GRM8: variants seen among roughly 807,000 people sequenced by gnomAD.
The protein encoded by GRM8 is glutamate metabotropic receptor 8.
A neutral mutation model predicts 87.2 loss-of-function variants in GRM8; 47 were observed. The observed-to-expected ratio is 0.54, with a 90% confidence interval of 0.43 to 0.69. The LOEUF is 0.69. Ranked by LOEUF, GRM8 falls within the 30% of genes least tolerant of loss-of-function variation. The pLI is 0.00. For synonymous variants in GRM8, 396 were observed against 404.5 expected, an observed-to-expected ratio of 0.98 and a Z score of 0.25; for missense variants, 1,019 against 1,139.2, an observed-to-expected ratio of 0.89 and a Z score of 1.52.
chr7:127,242,770 G>A lies in GRM8; in HGVS notation c.435C>T (p.Asp145=), dbSNP rs762120086. ...NGDPPIFTKP[D]KISGVIGAAA... is the part of the protein sequence containing the mutation. ...CAGCACCTATGACGCCAGAAATCTTGTCGGGCTTGGTGAAAATGGGTGGAT... is the reference window on the plus strand; with the variant it reads ...CAGCACCTATGACGCCAGAAATCTTATCGGGCTTGGTGAAAATGGGTGGAT... Residue 145 remains aspartate, a synonymous_variant, in exon 2 of 11, where the codon GAC becomes GAT. Transcript: ENST00000339582. The A allele has an allele frequency of 6.2e-7, 1 of 1,614,142 alleles. No homozygotes were observed. The highest frequency in any genetic ancestry group is 8.5e-7 in the Non-Finnish European group (1 of 1,179,988).
chr7:126,504,829 G>A (rs1188789073), intron 9 of GRM8, among the ~76,000 whole-genome samples: 1 of 151,912 alleles, frequency 6.6e-6, no homozygotes, highest in African/African-American at 2.4e-5. Context: ...AATCATGATT[G>A]GGTGCCCCAA....
chr7:126,802,625 T>C (rs999635559), intron 6 of GRM8, among the ~76,000 whole-genome samples: 2 of 152,162 alleles, frequency 1.3e-5, no homozygotes, highest in African/African-American at 4.8e-5. Flanking sequence ...AACTTTTGAG[T>C]GAACCCCACA....
intron 7 of GRM8, among the ~76,000 whole-genome samples, chr7:126,625,607 G>A (rs898115354): frequency 6.6e-6 from 1 of 152,110 alleles, no homozygotes; most frequent in Non-Finnish European, 1.5e-5. Flanking sequence ...TGTCATTAAT[G>A]AATAGCACTA....
At chr7:126,910,953 A>C (rs564790957) in intron 3 of GRM8, among the ~76,000 whole-genome samples, 1 of 152,300 alleles carries the variant, frequency 6.6e-6, no homozygotes, top group South Asian at 2.1e-4. Flanking sequence ...TCATCTCTGT[A>C]ATGAGGTTCA....
intron 3 of GRM8, among the ~76,000 whole-genome samples, chr7:127,079,356 A>T (rs1822615969): frequency 6.6e-6 from 1 of 152,160 alleles, no homozygotes; most frequent in South Asian, 2.1e-4. Context: ...TCCTGACCCC[A>T]GATGATCCAC....
intron 6 of GRM8, among the ~76,000 whole-genome samples, chr7:126,859,617 G>A (rs1797983595): frequency 1.3e-5 from 2 of 152,132 alleles, no homozygotes; most frequent in African/African-American, 4.8e-5. Context: ...CAGAGGAGAT[G>A]GGTACTTTGA....
At chr7:127,160,298 G>A (rs369074993) in intron 2 of GRM8, among the ~76,000 whole-genome samples, 47 of 152,136 alleles carry the variant, frequency 3.1e-4, no homozygotes, top group African/African-American at 1.1e-3. Flanking sequence ...GGACTTGCAG[G>A]GTTGAAGGAT....
intron 8 of GRM8, among the ~76,000 whole-genome samples, chr7:126,602,766 C>T (rs1000177363): frequency 2.0e-5 from 3 of 151,490 alleles, no homozygotes; most frequent in Non-Finnish European, 2.9e-5. Flanking sequence ...CAAAAAGAGT[C>T]CAGGACCAGA....
At chr7:126,902,095 T>C (rs1319801175) in intron 6 of GRM8, among the ~76,000 whole-genome samples, 3 of 152,204 alleles carry the variant, frequency 2.0e-5, no homozygotes, top group Non-Finnish European at 2.9e-5. Flanking sequence ...TGTTCCAGGA[T>C]AGCTGCTATG....
At chr7:127,105,233 GT>G (rs1201973151) in intron 3 of GRM8, 1 of 152,134 alleles carries the variant, frequency 6.6e-6, no homozygotes, top group Non-Finnish European at 1.5e-5. Context: ...TTTTGAATCA[GT>G]TTTATAGCAG....
intron 8 of GRM8, among the ~76,000 whole-genome samples, chr7:126,595,258 A>C (rs1797050573): frequency 6.6e-6 from 1 of 151,628 alleles, no homozygotes; most frequent in Non-Finnish European, 1.5e-5. Context: ...TTGAGAAAGG[A>C]TCTCACTGTG....
At chr7:126,496,800 T>G (rs1323851793) in intron 9 of GRM8, among the ~76,000 whole-genome samples, 1 of 151,830 alleles carries the variant, frequency 6.6e-6, no homozygotes, top group Non-Finnish European at 1.5e-5. Context: ...ATCACTTGAG[T>G]GTTTCTCAAT....
chr7:127,072,368 T>G (rs926535526), intron 3 of GRM8, among the ~76,000 whole-genome samples: 10 of 152,194 alleles, frequency 6.6e-5, no homozygotes, highest in Admixed American at 2.0e-4. Context: ...TCTCTGAGAC[T>G]GCTAACATAT....
chr7:127,120,044 T>C (rs1007064742), intron 2 of GRM8, among the ~76,000 whole-genome samples: 15 of 152,180 alleles, frequency 9.9e-5, no homozygotes, highest in African/African-American at 3.6e-4. Flanking sequence ...CCAAAACTTG[T>C]CACGCACACC....
chr7:126,791,306 T>G (rs939726336), intron 6 of GRM8, among the ~76,000 whole-genome samples: 1 of 152,256 alleles, frequency 6.6e-6, no homozygotes, highest in Non-Finnish European at 1.5e-5. Flanking sequence ...TCTTTGCCTT[T>G]ATTTTGTGAC....
At chr7:126,982,256 C>T (rs751600829) in intron 3 of GRM8, among the ~76,000 whole-genome samples, 15 of 152,032 alleles carry the variant, frequency 9.9e-5, no homozygotes, top group Non-Finnish European at 1.6e-4. Context: ...TTAGATGGTG[C>T]CTATCCAGAT....
At chr7:126,526,124 C>T (rs992558085) in intron 9 of GRM8, among the ~76,000 whole-genome samples, 3 of 152,020 alleles carry the variant, frequency 2.0e-5, no homozygotes, top group Admixed American at 2.0e-4. Flanking sequence ...TTCCTGGCAC[C>T]CTGTATGTTC....
chr7:127,098,914 T>C (rs2299533), intron 3 of GRM8, among the ~76,000 whole-genome samples: 109,755 of 152,096 alleles, frequency 0.72, 41,184 homozygotes, highest in African/African-American at 0.9. Context: ...GAAGGTGTGC[T>C]GCCATACTGT....
intron 3 of GRM8, among the ~76,000 whole-genome samples, chr7:127,059,939 C>A (rs2132574065): frequency 6.6e-6 from 1 of 152,290 alleles, no homozygotes; most frequent in Admixed American, 6.5e-5. Context: ...TGCTGATTCA[C>A]CTTTTAAAAC....
Sources: gnomAD v4.1 joint callset for allele counts (sites outside exome capture counted in the v4.1 genomes callset) on GRCh38, gnomAD v4.1.1 for gene constraint, MANE v1.5 for transcripts, NCBI Gene and HGNC (gene_info 2026-07-23, HGNC 2026-07-21) for gene names.